BACH2: variants seen among roughly 807,000 people sequenced by gnomAD.
BACH2 encodes the protein BACH transcriptional regulator 2, also known as transcription regulator protein BACH2.
Under a neutral mutation model 61.8 loss-of-function variants are expected in BACH2, and 5 were observed. The observed-to-expected ratio is 0.08, with a 90% CI of 0.04 to 0.17. The LOEUF is 0.17. BACH2 is among the 10% of genes least tolerant of loss of function. BACH2 has a pLI of 1.00. For synonymous variants in BACH2, 446 were observed against 440.1 expected (o/e 1.01, Z -0.17); for missense variants, 824 against 1,091.1 (o/e 0.76, Z 3.45).
intron 5 of BACH2, among the ~76,000 whole-genome samples, chr6:90,012,542 T>C (rs1351267446): frequency 5.3e-5 from 8 of 151,386 alleles, no homozygotes; most frequent in Non-Finnish European, 1.0e-4. Context: ...AGGCAGGAGA[T>C]TGTGTGAACC....
At chr6:90,296,229 A>G (rs1282069377) in intron 1 of BACH2, among the ~76,000 whole-genome samples, 9 of 152,036 alleles carry the variant, frequency 5.9e-5, no homozygotes, top group African/African-American at 9.6e-5. Context: ...CGCCGTAAAC[A>G]GCCGGGAGGG....
At chr6:89,978,283 A>T (rs894064548) in intron 6 of BACH2, among the ~76,000 whole-genome samples, 1 of 152,202 alleles carries the variant, frequency 6.6e-6, no homozygotes, top group African/African-American at 2.4e-5. Flanking sequence ...TGGAAAACTG[A>T]TACCATTACA....
chr6:89,934,062 G>A (rs998118387), intron 8 of BACH2, among the ~76,000 whole-genome samples: 7 of 152,122 alleles, frequency 4.6e-5, no homozygotes, highest in Non-Finnish European at 8.8e-5. Context: ...CCTAACATAC[G>A]GAGTTTCATA....
intron 4 of BACH2, among the ~76,000 whole-genome samples, chr6:90,143,943 A>G (rs1784541149): frequency 6.6e-6 from 1 of 152,092 alleles, no homozygotes; most frequent in Admixed American, 6.6e-5. Flanking sequence ...ATGTTATAGA[A>G]CTCTTTCCCC....
intron 5 of BACH2, among the ~76,000 whole-genome samples, chr6:90,035,672 T>C (rs768994578): frequency 5.9e-5 from 9 of 152,066 alleles, no homozygotes; most frequent in Middle Eastern, 3.4e-3. Context: ...GAATTCAAGA[T>C]TTCATTACAG....
intron 6 of BACH2, among the ~76,000 whole-genome samples, chr6:89,996,869 T>C (rs1336708797): frequency 1.3e-5 from 2 of 152,194 alleles, no homozygotes; most frequent in Non-Finnish European, 2.9e-5. Context: ...AAGGAGGTAA[T>C]CTTGCTTTAC....
At chr6:90,056,333 T>TAA (rs1780348886) in intron 5 of BACH2, among the ~76,000 whole-genome samples, 1 of 152,026 alleles carries the variant, frequency 6.6e-6, no homozygotes, top group Non-Finnish European at 1.5e-5. Context: ...TAGTCTCTGA[T>TAA]AAAACAGACT....
At chr6:90,082,952 C>T (rs1021304995) in intron 5 of BACH2, among the ~76,000 whole-genome samples, 5 of 152,146 alleles carry the variant, frequency 3.3e-5, no homozygotes, top group Non-Finnish European at 7.4e-5. Context: ...AATTAAGCAC[C>T]GCAAGGACTC....
chr6:89,960,839 T>C (rs1774702921), intron 6 of BACH2, among the ~76,000 whole-genome samples: 1 of 152,232 alleles, frequency 6.6e-6, no homozygotes, highest in Non-Finnish European at 1.5e-5. Context: ...GAGCGTTACG[T>C]GTCCCCTCTC....
At chr6:90,249,278 A>T (rs1206943588) in intron 3 of BACH2, among the ~76,000 whole-genome samples, 1 of 152,166 alleles carries the variant, frequency 6.6e-6, no homozygotes, top group Non-Finnish European at 1.5e-5. Context: ...CAGGCACTGT[A>T]TGTGATGTGG....
intron 4 of BACH2, among the ~76,000 whole-genome samples, chr6:90,097,951 T>C (rs143459333): frequency 1.3e-5 from 2 of 152,322 alleles, no homozygotes; most frequent in East Asian, 3.9e-4. Flanking sequence ...TTCCTAGTAA[T>C]GAAACGGGAA....
intron 4 of BACH2, among the ~76,000 whole-genome samples, chr6:90,142,698 A>G (rs1451137979): frequency 6.6e-6 from 1 of 152,222 alleles, no homozygotes; most frequent in African/African-American, 2.4e-5. Flanking sequence ...AATGAAAAAA[A>G]GATTATAGAC....
At position 89,997,859 on chromosome 6, in the gene BACH2, C is replaced by A. The variant is rs1370891547; in HGVS notation, c.243+10743G>T. ...CTGCTCATAGACTGCCCTGCCCTAC[C>A]CAGTTCTGGTTGTTAATGCCACCTC... On this transcript the variant is annotated intron_variant, in intron 6 of 8. Coordinates refer to ENST00000257749, the MANE Select transcript of BACH2 (RefSeq NM_021813.4). 3.3e-5 allele frequency among the ~76,000 whole-genome samples: 5 copies of A among 152,234 alleles called. No individual in the cohort carries two copies. The East Asian group carries it at 7.7e-4, about 24-fold the overall frequency.
At chr6:90,218,920 CGTGTGTGTGT>C (rs3221352) in intron 3 of BACH2, among the ~76,000 whole-genome samples, 49 of 140,494 alleles carry the variant, frequency 3.5e-4, no homozygotes, top group African/African-American at 9.8e-4. Flanking sequence ...GTTTCCTTTC[CGTGTGTGTGT>C]GTGTGTGTGT....
chr6:89,961,099 GGTTAT>G (rs1360056776), intron 6 of BACH2, among the ~76,000 whole-genome samples: 1 of 152,054 alleles, frequency 6.6e-6, no homozygotes, highest in East Asian at 1.9e-4. Context: ...AGGTATAGAT[GGTTAT>G]ATTTCCTAGG....
At chr6:90,022,562 C>A (rs1197824745) in intron 5 of BACH2, among the ~76,000 whole-genome samples, 7 of 152,108 alleles carry the variant, frequency 4.6e-5, no homozygotes, top group Admixed American at 1.3e-4. Context: ...CCAGCCTGGG[C>A]GACAGAGCAA....
chr6:89,963,243 C>T (rs190198106), intron 6 of BACH2, among the ~76,000 whole-genome samples: 114 of 152,240 alleles, frequency 7.5e-4, no homozygotes, highest in Admixed American at 1.2e-3. Context: ...CAAGTGTCAG[C>T]GAGGCCGTGG....
intron 4 of BACH2, among the ~76,000 whole-genome samples, chr6:90,193,307 T>C (rs1387086680): frequency 6.6e-6 from 1 of 152,002 alleles, no homozygotes; most frequent in Admixed American, 6.6e-5. Flanking sequence ...TGGAAGAGAG[T>C]GTGCCCCTAA....
chr6:90,101,856 T>C (rs1384243706), intron 4 of BACH2, among the ~76,000 whole-genome samples: 7 of 152,130 alleles, frequency 4.6e-5, no homozygotes, highest in Non-Finnish European at 1.0e-4. Flanking sequence ...ATTTTCAGTG[T>C]TCAAGTCTTG....
Sources: allele counts gnomAD v4.1 joint callset (sites outside exome capture counted in the v4.1 genomes callset), GRCh38; gene constraint gnomAD v4.1.1; transcripts MANE v1.5; gene names NCBI Gene and HGNC (gene_info 2026-07-23, HGNC 2026-07-21).